Variants in RAPGEF6 observed in about 807,000 individuals in gnomAD.
RAPGEF6 encodes PDZ domain containing guanine nucleotide exchange factor (GEF) 2.
RAPGEF6 carries 56 observed loss-of-function variants against 171.4 expected under a neutral mutation model. The observed-to-expected ratio is 0.33, with a 90% confidence interval of 0.26 to 0.41. The LOEUF (loss-of-function observed/expected upper bound fraction) is 0.41. Ranked by LOEUF, RAPGEF6 falls within the 10% of genes least tolerant of loss-of-function variation. The pLI is 1.00. For synonymous variants in RAPGEF6, 692 were observed against 650.1 expected, an observed-to-expected ratio of 1.06 and a Z score of -0.98; for missense variants, 1,674 against 1,921.4, an observed-to-expected ratio of 0.87 and a Z score of 2.41.
chr5:131,442,215 T>C, intron 23 of RAPGEF6, 134 bp downstream of exon 23: 1 of 864,326 alleles, frequency 1.2e-6, no homozygotes, highest in Non-Finnish European at 1.6e-6. Context: ...AAATCAACAT[T>C]TTTGATTCAT....
rs144486459 is a variant in RAPGEF6 at position 131,594,576 on chromosome 5, A to G, written c.198-2110T>C. On this transcript the variant is annotated intron_variant, in intron 3 of 27. Coordinates refer to ENST00000509018, the MANE Select transcript of RAPGEF6 (RefSeq NM_016340.6). ...TGCGAAAAGGGGGCCATTGTCCTTC[A>G]GACCCCAGAATGGTAGAACCACAGT... Among the ~76,000 whole-genome samples, 572 of 152,342 alleles carry G rather than the reference A, an allele frequency of 3.8e-3. 4 individuals carry two copies. The highest frequency in any genetic ancestry group is 0.013 in the African/African-American group (542 of 41,582).
At chr5:131,631,698 G>C (rs564999136) in intron 1 of RAPGEF6, among the ~76,000 whole-genome samples, 13 of 152,272 alleles carry the variant, frequency 8.5e-5, no homozygotes, top group African/African-American at 1.2e-4. Context: ...TGTAGTTCCA[G>C]CTACTTGGGA....
Position 131,455,953 on chromosome 5 carries a change from T to G in RAPGEF6, c.2924A>C (p.Lys975Thr). Residue 975 changes from lysine to threonine, a missense_variant, in exon 20 of 28, where the codon AAA (lysine) becomes ACA (threonine). By Grantham distance (78) the Lys-to-Thr change is moderately conservative. Transcript: ENST00000509018. ...LRGTWEKLPS[K>T]YEKHLQDLQD... is the part of the protein sequence containing the mutation. ...TAGATCTTGAAGATGTTTCTCGTAT[T>G]TGCTTGGTAACTTTTCCCAAGTTCC... The G allele has an allele frequency of 6.2e-7, 1 of 1,614,108 alleles. No individual in the cohort carries two copies. Among genetic ancestry groups the G allele is most frequent in the South Asian group, 1.1e-5 (1 of 91,080 alleles).
chr5:131,564,771 G>C (rs1407721412), intron 4 of RAPGEF6, among the ~76,000 whole-genome samples: 3 of 152,144 alleles, frequency 2.0e-5, no homozygotes, highest in African/African-American at 7.2e-5. Context: ...GTATGTTAAA[G>C]AAAGTAACGA....
At chr5:131,533,169 T>TACACATAC (rs369175532) in intron 6 of RAPGEF6, 3 of 136,860 alleles carry the variant, frequency 2.2e-5, no homozygotes, top group South Asian at 4.9e-4. Context: ...ATTGAAAACA[T>TACACATAC]ACACACACAC....
Position 131,617,662 on chromosome 5 carries a change from A to G in RAPGEF6, c.70-12969T>C, listed in dbSNP as rs191780645. 1.6e-3 allele frequency among the ~76,000 whole-genome samples: 247 copies of G among 152,258 alleles called. 1 individual carries two copies. Among genetic ancestry groups the G allele is most frequent in the African/African-American group, 5.7e-3 (237 of 41,560 alleles). ...AATCTCCAGTACTTTGGGAGGCCGA[A>G]GTGGGTGGATCACCTGAGGTCAAGA... is the stretch of plus-strand genomic sequence containing the variant. On this transcript the variant is annotated intron_variant, in intron 1 of 27. Coordinates refer to ENST00000509018, the MANE Select transcript of RAPGEF6 (RefSeq NM_016340.6).
intron 15 of RAPGEF6, among the ~76,000 whole-genome samples, chr5:131,480,717 G>A (rs1397348898): frequency 6.6e-6 from 1 of 152,126 alleles, no homozygotes; most frequent in Non-Finnish European, 1.5e-5. Context: ...GACCTCAGGT[G>A]ATTCGCCCAC....
In RAPGEF6 at chr5:131,603,267, T is replaced by G. The variant is rs779433407; in HGVS notation, c.197+4A>C. On this transcript the variant is annotated splice_donor_region_variant and intron_variant, in intron 3 of 27. Transcript: ENST00000509018. ...TAGTTTATGTGAATTATGGAAATAC[T>G]TACCAAAAGAGAACCTGATTGCCAC... 2.6e-5 allele frequency: 41 copies of G among 1,582,480 alleles called. No homozygotes were observed. The highest frequency in any genetic ancestry group is 3.5e-5 in the Non-Finnish European group (41 of 1,162,400).
At chr5:131,479,886 G>T in intron 15 of RAPGEF6, 133 bp from the exon 16 acceptor site, 1 of 892,388 alleles carries the variant, frequency 1.1e-6, no homozygotes, top group Non-Finnish European at 1.7e-6. Context: ...ACTAAACACT[G>T]TCAAGTATTT....
chr5:131,462,261 G>A (rs1278603754), intron 18 of RAPGEF6, among the ~76,000 whole-genome samples, 173 bp from the exon 19 acceptor site: 4 of 152,148 alleles, frequency 2.6e-5, no homozygotes, highest in African/African-American at 9.7e-5. Context: ...TTTTTGAGAA[G>A]TCTGTCTCTT....
chr5:131,538,850 C>T (rs1035722428), intron 6 of RAPGEF6, among the ~76,000 whole-genome samples: 1 of 152,144 alleles, frequency 6.6e-6, no homozygotes, highest in African/African-American at 2.4e-5. Flanking sequence ...CACTTCTATG[C>T]TTTTTGTCTA....
intron 16 of RAPGEF6, among the ~76,000 whole-genome samples, chr5:131,477,918 T>G (rs1755217283): frequency 6.6e-6 from 1 of 152,180 alleles, no homozygotes; most frequent in Non-Finnish European, 1.5e-5. Context: ...TCACAGTGAC[T>G]TCCAGTCATC....
chr5:131,518,782 A>C (rs1476111022), intron 7 of RAPGEF6, among the ~76,000 whole-genome samples: 1 of 152,056 alleles, frequency 6.6e-6, no homozygotes, highest in Non-Finnish European at 1.5e-5. Context: ...CATTATTATA[A>C]GTTTCTTCTT....
chr5:131,589,115 C>T (rs1449108784), intron 4 of RAPGEF6, among the ~76,000 whole-genome samples: 1 of 151,642 alleles, frequency 6.6e-6, no homozygotes, highest in Non-Finnish European at 1.5e-5. Flanking sequence ...AAGAAAAAGG[C>T]AGGATAGTTG....
At chr5:131,469,686 A>C (rs936486879) in intron 17 of RAPGEF6, 7 of 727,308 alleles carry the variant, frequency 9.6e-6, no homozygotes, top group Non-Finnish European at 1.5e-5. Flanking sequence ...TCTAAGTGGA[A>C]AGAAAAGTTG....
intron 6 of RAPGEF6, among the ~76,000 whole-genome samples, chr5:131,529,713 C>T (rs528734525): frequency 1.3e-5 from 2 of 152,122 alleles, no homozygotes; most frequent in African/African-American, 4.8e-5. Context: ...GAGTTTGAGA[C>T]CAGCTTGGGC....
chr5:131,508,572 C>T (rs1456028746), intron 8 of RAPGEF6, among the ~76,000 whole-genome samples: 2 of 152,086 alleles, frequency 1.3e-5, no homozygotes, highest in Admixed American at 6.5e-5. Flanking sequence ...TTGTCTAGTT[C>T]TTACTAAACA....
chr5:131,557,801 T>C (rs1029955389), intron 5 of RAPGEF6, among the ~76,000 whole-genome samples: 4 of 152,228 alleles, frequency 2.6e-5, no homozygotes, highest in Admixed American at 2.6e-4. Context: ...TATATCAATG[T>C]AGTGAATCAC....
chr5:131,449,581 A>C (rs778191676), intron 21 of RAPGEF6, among the ~76,000 whole-genome samples: 1 of 152,188 alleles, frequency 6.6e-6, no homozygotes, highest in Non-Finnish European at 1.5e-5. Flanking sequence ...CTAGAACTAG[A>C]CTACCTAGTT....
Sources: allele counts gnomAD v4.1 joint callset (sites outside exome capture counted in the v4.1 genomes callset), GRCh38; gene constraint gnomAD v4.1.1; transcripts MANE v1.5; gene names NCBI Gene and HGNC (gene_info 2026-07-23, HGNC 2026-07-21).